The following SEMA6D variants were observed in gnomAD, a reference collection of about 807,000 sequenced individuals.
SEMA6D encodes the protein semaphorin-6D.
A neutral mutation model predicts 106.6 loss-of-function variants in SEMA6D; 35 were observed. The observed-to-expected ratio is 0.33, with a 90% CI of 0.25 to 0.44. The LOEUF (loss-of-function observed/expected upper bound fraction) is 0.44, where lower values mean the gene tolerates loss of function less well. Ranked by LOEUF, SEMA6D falls within the 20% of genes least tolerant of loss-of-function variation. The pLI is 1.00. For synonymous variants in SEMA6D, 499 were observed against 487.7 expected (o/e 1.02, Z -0.31); for missense variants, 1,185 against 1,345.9 (o/e 0.88, Z 1.87).
At chr15:47,553,008 G>A (rs556258858) in intron 3 of SEMA6D, among the ~76,000 whole-genome samples, 92 of 146,306 alleles carry the variant, frequency 6.3e-4, no homozygotes, top group South Asian at 1.1e-3. Context: ...GGGTTCAAGC[G>A]ATTCTCCTGC....
intron 1 of SEMA6D, among the ~76,000 whole-genome samples, chr15:47,364,213 A>G (rs1365395714): frequency 6.6e-6 from 1 of 152,206 alleles, no homozygotes; most frequent in South Asian, 2.1e-4. Context: ...ACTTGCTCCG[A>G]AACAAAACTT....
chr15:47,498,210 G>A (rs1262489803), intron 3 of SEMA6D, among the ~76,000 whole-genome samples: 1 of 152,092 alleles, frequency 6.6e-6, no homozygotes, highest in Non-Finnish European at 1.5e-5. Flanking sequence ...TGAGTGACCT[G>A]ATTATAACCT....
intron 3 of SEMA6D, among the ~76,000 whole-genome samples, chr15:47,489,218 A>G (rs1229102179): frequency 6.6e-6 from 1 of 152,132 alleles, no homozygotes; most frequent in Admixed American, 6.5e-5. Flanking sequence ...TGGAGCCGCC[A>G]GAAGCTGGAA....
intron 2 of SEMA6D, among the ~76,000 whole-genome samples, chr15:47,467,046 A>C (rs1412069716): frequency 6.6e-6 from 1 of 151,904 alleles, no homozygotes; most frequent in African/African-American, 2.4e-5. Flanking sequence ...AGTTTTTTTG[A>C]GGTACCTTGA....
intron 1 of SEMA6D, among the ~76,000 whole-genome samples, chr15:47,401,748 C>T (rs1040139926): frequency 2.6e-5 from 4 of 152,190 alleles, no homozygotes; most frequent in Admixed American, 6.5e-5. Context: ...TTAGGAAAGT[C>T]GCTACACGTC....
At chr15:47,210,671 A>G (rs1217690558) in intron 1 of SEMA6D, among the ~76,000 whole-genome samples, 2 of 150,528 alleles carry the variant, frequency 1.3e-5, no homozygotes, top group African/African-American at 2.4e-5. Context: ...AGGCTGAGAC[A>G]GCAGAATCTC....
At chr15:47,730,470 C>T (rs1227842554) in intron 1 of SEMA6D, 12 of 1,321,036 alleles carry the variant, frequency 9.1e-6, no homozygotes, top group East Asian at 4.7e-5. Flanking sequence ...ACGTCGTGTG[C>T]AATCAGCACC....
At chr15:47,692,828 T>C (rs755182518) in intron 4 of SEMA6D, among the ~76,000 whole-genome samples, 4 of 152,144 alleles carry the variant, frequency 2.6e-5, no homozygotes, top group Non-Finnish European at 4.4e-5. Context: ...AAAAGCATCA[T>C]ATGAAAAGTT....
At chr15:47,765,690 T>G in intron 13 of SEMA6D, 179 bp from the exon 14 acceptor site, 1 of 622,650 alleles carries the variant, frequency 1.6e-6, no homozygotes, top group Non-Finnish European at 2.4e-6. Flanking sequence ...AGCCTGAAAT[T>G]TAACCAACCA....
chr15:47,349,092 C>A (rs1268488692), intron 1 of SEMA6D, among the ~76,000 whole-genome samples: 1 of 148,776 alleles, frequency 6.7e-6, no homozygotes, highest in African/African-American at 2.5e-5. Context: ...TCTTCCAGAG[C>A]AGACCTAGAT....
chr15:47,535,069 C>CA (rs796493775), intron 3 of SEMA6D, among the ~76,000 whole-genome samples: 3,573 of 93,148 alleles, frequency 0.038, 108 homozygotes, highest in African/African-American at 0.088. Flanking sequence ...AAGAATGTGA[C>CA]AAAAAAAAAA....
At chr15:47,500,737 G>A (rs16959582) in intron 3 of SEMA6D, among the ~76,000 whole-genome samples, 3,570 of 152,094 alleles carry the variant, frequency 0.023, 141 homozygotes, top group African/African-American at 0.082. Flanking sequence ...CTATTTCAAA[G>A]GCTTTCCTTT....
Position 47,764,706 on chromosome 15 carries a change from C to T in SEMA6D, c.1166C>T (p.Thr389Ile). Reference protein sequence around the residue: ...YKTSIDFPDETLSFIKSHPLM... With the variant: ...YKTSIDFPDEILSFIKSHPLM... The stretch of plus-strand genomic sequence containing the variant: ...ACCTCCATCGATTTCCCGGATGAAA[C>T]TCTGTCATTCATCAAATCTCATCCC... Residue 389 changes from threonine (T) to isoleucine (I), a missense_variant, in exon 12 of 19, where the codon ACT (threonine) becomes ATT (isoleucine). Thr to Ile is a moderately conservative substitution (Grantham distance 89). This residue lies in a region of SEMA6D where 291 missense variants were observed against 423.8 expected (regional missense o/e 0.69). Transcript: ENST00000536845. 6.2e-7 allele frequency: 1 copy of T among 1,614,082 alleles called. No individual in the cohort carries two copies. The highest frequency in any genetic ancestry group is 1.3e-5 in the African/African-American group (1 of 75,054).
chr15:47,553,410 G>A (rs2045822048), intron 3 of SEMA6D, among the ~76,000 whole-genome samples: 1 of 152,094 alleles, frequency 6.6e-6, no homozygotes, highest in Non-Finnish European at 1.5e-5. Context: ...TGTCCCAGCA[G>A]GATTGCATAA....
chr15:47,415,348 T>C (rs2040931066), intron 2 of SEMA6D, among the ~76,000 whole-genome samples: 1 of 152,154 alleles, frequency 6.6e-6, no homozygotes, highest in Non-Finnish European at 1.5e-5. Flanking sequence ...ATAGAGGAAA[T>C]GTTTACAATA....
At position 47,730,472 on chromosome 15, in the gene SEMA6D, A is replaced by G. The variant is rs563399103; in HGVS notation, c.-55+12780A>G. On this transcript the variant is annotated intron_variant, in intron 1 of 18. Coordinates refer to ENST00000536845, the MANE Select transcript of SEMA6D (RefSeq NM_001358351.3). ...CTCGATGGGATCCACGTCGTGTGCA[A>G]TCAGCACCAGCTGAGCTTTCTTATT... 6.5e-5 allele frequency: 86 copies of G among 1,325,690 alleles called. No homozygotes were observed. The East Asian group carries it at 8.1e-4, about 13-fold the overall frequency. 82.1% of individuals were successfully genotyped at this position (1,325,690 alleles called of 1,614,324 possible). A position where few individuals can be genotyped will look rare whatever the true frequency, so the allele number is the denominator to read the frequency against.
chr15:47,299,656 G>A (rs1372607449), intron 1 of SEMA6D, among the ~76,000 whole-genome samples: 2 of 152,170 alleles, frequency 1.3e-5, no homozygotes, highest in Non-Finnish European at 2.9e-5. Context: ...CAGAATATGT[G>A]TATTGTTATT....
At chr15:47,724,520 T>A (rs766710063) in intron 1 of SEMA6D, among the ~76,000 whole-genome samples, 3 of 152,112 alleles carry the variant, frequency 2.0e-5, no homozygotes. Context: ...GAGTCACTGA[T>A]ATTTGAGCTG....
intron 3 of SEMA6D, among the ~76,000 whole-genome samples, chr15:47,572,074 T>A (rs923856168): frequency 1.3e-4 from 20 of 152,216 alleles, no homozygotes; most frequent in African/African-American, 4.8e-4. Context: ...GTTGAAAATT[T>A]CAGCCTAGGA....
Sources: allele counts gnomAD v4.1 joint callset (sites outside exome capture counted in the v4.1 genomes callset), GRCh38; gene constraint gnomAD v4.1.1; regional missense constraint gnomAD v4.1.1; transcripts MANE v1.5; gene names NCBI Gene and HGNC (gene_info 2026-07-23, HGNC 2026-07-21).